Variants in EVI5L observed in about 807,000 individuals in gnomAD.
EVI5L encodes ecotropic viral integration site 5 like.
In EVI5L, 30 loss-of-function variants were observed where a neutral mutation model predicts 106.1. That is an observed-to-expected ratio of 0.28 (90% CI 0.21 to 0.38). EVI5L has a LOEUF of 0.38. EVI5L is among the 10% of genes least tolerant of loss of function. The pLI is 1.00. For synonymous variants in EVI5L, 489 were observed against 483.3 expected (o/e 1.01, Z -0.15); for missense variants, 809 against 1,098.0 (o/e 0.74, Z 3.72).
At chr19:7,847,363 G>C (rs1979000387) in intron 2 of EVI5L, among the ~76,000 whole-genome samples, 1 of 152,080 alleles carries the variant, frequency 6.6e-6, no homozygotes, top group African/African-American at 2.4e-5. Context: ...TGAGGCAGGT[G>C]GATCACCTGA....
intron 1 of EVI5L, among the ~76,000 whole-genome samples, chr19:7,844,248 C>T (rs1340753031): frequency 7.3e-5 from 11 of 149,724 alleles, no homozygotes; most frequent in Admixed American, 5.4e-4. Context: ...AGGAGAATCG[C>T]GTGAACCCGG....
At chr19:7,852,399 C>T (rs1030135879) in intron 8 of EVI5L, among the ~76,000 whole-genome samples, 37 of 152,156 alleles carry the variant, frequency 2.4e-4, no homozygotes, top group African/African-American at 8.5e-4. Context: ...GGAGCTGTGT[C>T]CCCCCTGGGC....
chr19:7,844,367 A>G (rs1314933947), intron 1 of EVI5L, among the ~76,000 whole-genome samples: 2 of 149,590 alleles, frequency 1.3e-5, no homozygotes, highest in African/African-American at 2.5e-5. Flanking sequence ...AAGAAAAGAA[A>G]CCGAGGCTCG....
At chr19:7,849,725 T>C (rs1979142897) in intron 5 of EVI5L, among the ~76,000 whole-genome samples, 1 of 152,140 alleles carries the variant, frequency 6.6e-6, no homozygotes. Flanking sequence ...GGAGGTATCC[T>C]AACCAGGGGG....
rs1487954885 is a variant in EVI5L, at chr19:7,858,383, C to T, written c.1374+52C>T. 3 of 1,498,070 alleles carry T rather than the reference C, an allele frequency of 2.0e-6. No homozygotes were observed. The highest frequency in any genetic ancestry group is 2.8e-5 in the African/African-American group (2 of 71,200). 92.8% of individuals were successfully genotyped at this position (1,498,070 alleles called of 1,614,324 possible). ...GGCGGGGCCATGACCCGCGCCCCCG[C>T]CCCCGCCCAACGGTTTTCTTTCAGG... On this transcript the variant is annotated intron_variant, in intron 13 of 19. Coordinates refer to ENST00000538904, the MANE Select transcript of EVI5L (RefSeq NM_001159944.3). The surrounding 1 kb of genome is among the most constrained non-coding windows in gnomAD (Gnocchi z 5.7).
intron 10 of EVI5L, 101 bp downstream of exon 10, chr19:7,853,434 G>A: frequency 4.1e-6 from 6 of 1,477,080 alleles, no homozygotes; most frequent in South Asian, 1.2e-5. Context: ...CCTTCCCAGC[G>A]CACAGGCGGA....
At chr19:7,842,818 CAT>C (rs531278848) in intron 1 of EVI5L, among the ~76,000 whole-genome samples, 93 of 148,610 alleles carry the variant, frequency 6.3e-4, no homozygotes, top group East Asian at 5.3e-3. Context: ...CGAGTGTGCA[CAT>C]GTGTGTGTGA....
rs779645750 is a variant in EVI5L, at chr19:7,847,929, G to C, written c.327+8G>C. On this transcript the variant is annotated splice_region_variant and intron_variant, in intron 3 of 19. Transcript: ENST00000538904. ...AAGGAGAAGCTGCTCAAGGTGGGGG[G>C]CGGCCAGGCAGGCAGGGCTGGGCCG... 6.5e-7 allele frequency: 1 copy of C among 1,540,724 alleles called. No homozygotes were observed. The highest frequency in any genetic ancestry group is 8.8e-7 in the Non-Finnish European group (1 of 1,140,206).
chr19:7,857,422 G>A lies in EVI5L; in HGVS notation c.1233+298G>A. 1.2e-5 allele frequency: 7 copies of A among 570,824 alleles called. No individual in the cohort carries two copies. In the South Asian group the frequency reaches 1.4e-4, roughly 11 times the overall value. The allele number at this position is 570,824 out of a possible 1,614,324, so 35.4% of individuals were successfully genotyped here. On this transcript the variant is annotated intron_variant, in intron 12 of 19. Transcript: ENST00000538904. This position sits in a 1 kb window ranked among gnomAD's most constrained non-coding sequence, Gnocchi z 4.5. Reference sequence around the variant, plus strand: ...AGGGTGGGGACCCAGGAGGGCTGGGGAACCTAAAACCATATTCACATAAGG... The same window carrying A: ...AGGGTGGGGACCCAGGAGGGCTGGGAAACCTAAAACCATATTCACATAAGG...
intron 10 of EVI5L, among the ~76,000 whole-genome samples, chr19:7,854,857 G>A (rs921251848): frequency 2.6e-5 from 4 of 152,226 alleles, no homozygotes; most frequent in East Asian, 1.9e-4. Flanking sequence ...TCAAGTCTGC[G>A]GTTCTGTCTG....
chr19:7,843,353 TGTGA>T (rs1382083410), intron 1 of EVI5L, among the ~76,000 whole-genome samples: 8 of 141,094 alleles, frequency 5.7e-5, no homozygotes, highest in South Asian at 4.7e-4. Context: ...TGTATAGGTG[TGTGA>T]GTGTGAGAAT....
chr19:7,834,962 C>CAAT lies in EVI5L; in HGVS notation c.-48+4599_-48+4601dup, dbSNP rs549497847. 2.6e-3 allele frequency among the ~76,000 whole-genome samples: 392 copies of CAAT among 151,504 alleles called. 1 individual carries two copies. The highest frequency in any genetic ancestry group is 6.8e-3 in the Middle Eastern group (2 of 294). On this transcript the variant is annotated intron_variant, in intron 1 of 19. Coordinates refer to ENST00000538904, the MANE Select transcript of EVI5L (RefSeq NM_001159944.3). ...GCAACATAGTGAGACTCTCTCTCTG[C>CAAT]AATAATAATAATAATAATAACAAAA...
At chr19:7,854,961 G>A (rs927611791) in intron 10 of EVI5L, among the ~76,000 whole-genome samples, 23 of 152,148 alleles carry the variant, frequency 1.5e-4, no homozygotes, top group Admixed American at 1.2e-3. Flanking sequence ...CTGCAGTGTG[G>A]CAGGGCCCTC....
At chr19:7,831,913 T>C (rs552948210) in intron 1 of EVI5L, among the ~76,000 whole-genome samples, 4 of 152,272 alleles carry the variant, frequency 2.6e-5, no homozygotes, top group East Asian at 1.9e-4. Context: ...ATCTTGGCAT[T>C]TGAGACCTGG....
intron 1 of EVI5L, among the ~76,000 whole-genome samples, chr19:7,834,559 G>A (rs954574002): frequency 6.6e-6 from 1 of 152,112 alleles, no homozygotes; most frequent in Non-Finnish European, 1.5e-5. Flanking sequence ...GTTTTACTGT[G>A]TTTACTCTTT....
chr19:7,837,465 T>C lies in EVI5L; in HGVS notation c.-48+7084T>C, dbSNP rs141746865. Among the ~76,000 whole-genome samples, 86 of 152,326 alleles carry C rather than the reference T, an allele frequency of 5.6e-4. No individual in the cohort carries two copies. In the East Asian group the frequency reaches 0.016, roughly 29 times the overall value. Reference sequence around the variant, plus strand: ...TCTCCTCTATAGTTAATGTCTTCCATTCATATGATACATTTGTTGTAGTTA... The same window carrying C: ...TCTCCTCTATAGTTAATGTCTTCCACTCATATGATACATTTGTTGTAGTTA... On this transcript the variant is annotated intron_variant, in intron 1 of 19. Transcript: ENST00000538904.
chr19:7,836,200 G>A (rs1978338962), intron 1 of EVI5L, among the ~76,000 whole-genome samples: 1 of 151,692 alleles, frequency 6.6e-6, no homozygotes. Context: ...TCGTGCAACT[G>A]CACTCCAGCC....
At chr19:7,842,849 A>T (rs561123605) in intron 1 of EVI5L, among the ~76,000 whole-genome samples, 37 of 148,470 alleles carry the variant, frequency 2.5e-4, no homozygotes, top group Admixed American at 4.7e-4. Context: ...AGGTGTGTGT[A>T]TCTGAGTGTG....
intron 1 of EVI5L, among the ~76,000 whole-genome samples, chr19:7,830,608 C>T (rs1183000745): frequency 6.8e-6 from 1 of 147,494 alleles, no homozygotes; most frequent in Non-Finnish European, 1.5e-5. Flanking sequence ...GGATCCCCCT[C>T]CCCCACTCCG....
Sources: gnomAD v4.1 joint callset for allele counts (sites outside exome capture counted in the v4.1 genomes callset) on GRCh38, gnomAD v4.1.1 for gene constraint, Gnocchi (gnomAD v3.1) non-coding constraint, MANE v1.5 for transcripts, NCBI Gene and HGNC (gene_info 2026-07-23, HGNC 2026-07-21) for gene names.